RASSF8: variants seen among roughly 807,000 people sequenced by gnomAD.
RASSF8 encodes Ras association domain family member 8, also known as ras association domain-containing protein 8.
In RASSF8, 22 loss-of-function variants were observed where a neutral mutation model predicts 48.5. The ratio of observed to expected loss-of-function variants is 0.45; its 90% CI spans 0.32 to 0.65. RASSF8 has a LOEUF of 0.65. Among genes scored for constraint, RASSF8 ranks in the 30% least tolerant of loss-of-function variants. The pLI is 0.03. For synonymous variants in RASSF8, 127 were observed against 171.5 expected, an observed-to-expected ratio of 0.74 and a Z score of 2.03; for missense variants, 418 against 489.2, an observed-to-expected ratio of 0.85 and a Z score of 1.37.
chr12:25,975,239 C>T (rs549459782), intron 1 of RASSF8, among the ~76,000 whole-genome samples: 5 of 152,222 alleles, frequency 3.3e-5, no homozygotes, highest in African/African-American at 9.6e-5. Context: ...TGTGGTCTGC[C>T]GGAGAACAAA....
At chr12:26,042,838 A>G (rs17362901) in intron 2 of RASSF8, among the ~76,000 whole-genome samples, 12,082 of 152,248 alleles carry the variant, frequency 0.079, 574 homozygotes, top group Middle Eastern at 0.14. Context: ...GTGTGATATC[A>G]TATTCACAGT....
chr12:25,980,250 G>A (rs184472028), intron 1 of RASSF8, among the ~76,000 whole-genome samples: 1 of 152,140 alleles, frequency 6.6e-6, no homozygotes, highest in Non-Finnish European at 1.5e-5. Context: ...CCATTATACT[G>A]TAATACTCAT....
rs1388322622 is a variant in RASSF8 at position 25,958,922 on chromosome 12, C to CCACA, written c.-427_-424dup. On this transcript the variant is annotated 5_prime_UTR_variant, in exon 1 of 6. Coordinates refer to ENST00000689635, the MANE Select transcript of RASSF8 (RefSeq NM_001394098.1). The stretch of plus-strand genomic sequence containing the variant: ...ACCGCGGCACCCCCGCCAGTGGCGT[C>CCACA]CACACTCACCTAGCGCGGGCCGGGA... 6.8e-6 allele frequency: 1 copy of CCACA among 147,148 alleles called. No individual in the cohort carries two copies. Among genetic ancestry groups the CCACA allele is most frequent in the African/African-American group, 2.4e-5 (1 of 40,984 alleles). The allele number at this position is 147,148 out of a possible 1,614,324, so 9.1% of individuals were successfully genotyped here. A position where few individuals can be genotyped will look rare whatever the true frequency, so the allele number is the denominator to read the frequency against.
chr12:25,979,987 G>T (rs56318236), intron 1 of RASSF8, among the ~76,000 whole-genome samples: 5,511 of 152,262 alleles, frequency 0.036, 319 homozygotes, highest in African/African-American at 0.12. Context: ...CTTGGAAAAG[G>T]TGACTCTTAA....
At position 26,016,212 on chromosome 12, in the gene RASSF8, T is replaced by G. The variant is rs544970202; in HGVS notation, c.-109+21082T>G. Among the ~76,000 whole-genome samples the G allele has an allele frequency of 7.4e-4, 113 of 151,878 alleles. 1 individual carries two copies. Among genetic ancestry groups the G allele is most frequent in the Middle Eastern group, 6.8e-3 (2 of 294 alleles). On this transcript the variant is annotated intron_variant, in intron 2 of 5. Transcript: ENST00000689635. Reference sequence around the variant, plus strand: ...TATTAAGGGCTGTTTTTGGGTTTTTTTTTTTTTTTATTTGTTTGTTTGGTT... The same window carrying G: ...TATTAAGGGCTGTTTTTGGGTTTTTGTTTTTTTTTATTTGTTTGTTTGGTT...
chr12:25,958,342 G>C (rs1380597248), upstream of RASSF8: 1 of 151,734 alleles, frequency 6.6e-6, no homozygotes, highest in Non-Finnish European at 1.5e-5. Context: ...CTCAGGCCTC[G>C]GTGCGTCGCG....
rs1943948849 is a variant in RASSF8 at position 26,069,224 on chromosome 12, A to G, written c.*406A>G. On this transcript the variant is annotated 3_prime_UTR_variant, in exon 6 of 6. Transcript: ENST00000689635. ...TGTTGATGTTTTAATATTTTTATTG[A>G]CTTATCCTGTGACTGACTTACGTTA... The G allele has an allele frequency of 1.0e-6, 1 of 963,388 alleles. No homozygotes were observed. Among genetic ancestry groups the G allele is most frequent in the Admixed American group, 6.2e-5 (1 of 16,028 alleles). The allele number at this position is 963,388 out of a possible 1,614,324, so 59.7% of individuals were successfully genotyped here. A position where few individuals can be genotyped will look rare whatever the true frequency, so the allele number is the denominator to read the frequency against.
chr12:26,055,302 G>C lies in RASSF8; in HGVS notation c.-42G>C. On this transcript the variant is annotated 5_prime_UTR_variant, in exon 3 of 6. Transcript: ENST00000689635. ...AGCTAGAGACATGACCTAACACCCTGATGACCACTCTCAGGGACCTTGAGT... is the reference window on the plus strand; with the variant it reads ...AGCTAGAGACATGACCTAACACCCTCATGACCACTCTCAGGGACCTTGAGT... The C allele has an allele frequency of 6.6e-7, 1 of 1,520,580 alleles. No individual in the cohort carries two copies. Among genetic ancestry groups the C allele is most frequent in the Non-Finnish European group, 9.1e-7 (1 of 1,094,940 alleles). The allele number at this position is 1,520,580 out of a possible 1,614,324, so 94.2% of individuals were successfully genotyped here.
intron 1 of RASSF8, among the ~76,000 whole-genome samples, chr12:25,962,986 A>ATT (rs139621052): frequency 6.6e-6 from 1 of 152,014 alleles, no homozygotes; most frequent in African/African-American, 2.4e-5. Context: ...TAAAATAATT[A>ATT]TTTTTTTATC....
At chr12:25,979,929 T>C (rs1592227141) in intron 1 of RASSF8, among the ~76,000 whole-genome samples, 1 of 152,268 alleles carries the variant, frequency 6.6e-6, no homozygotes, top group African/African-American at 2.4e-5. Context: ...GGAAGGCAGC[T>C]GCCAGCTTTT....
chr12:26,022,740 T>C, intron 2 of RASSF8, among the ~76,000 whole-genome samples: 1 of 152,098 alleles, frequency 6.6e-6, no homozygotes, highest in East Asian at 1.9e-4. Context: ...GTTGATTTCT[T>C]TCTTTCTTTT....
rs2137343022 is a variant in RASSF8, at chr12:26,071,657, G to A, written c.*2839G>A. 4.1e-6 allele frequency: 4 copies of A among 984,504 alleles called. No homozygotes were observed. The highest frequency in any genetic ancestry group is 3.5e-5 in the African/African-American group (2 of 57,268). 61.0% of individuals were successfully genotyped at this position (984,504 alleles called of 1,614,324 possible). ...TTTGTTTTTTGTCTTGATGCACAGG[G>A]ACTTTTTTATAATATGAGACTTCAG... On this transcript the variant is annotated 3_prime_UTR_variant, in exon 6 of 6. Coordinates refer to ENST00000689635, the MANE Select transcript of RASSF8 (RefSeq NM_001394098.1).
At chr12:26,003,268 A>G (rs1338124668) in intron 2 of RASSF8, among the ~76,000 whole-genome samples, 2 of 152,156 alleles carry the variant, frequency 1.3e-5, no homozygotes, top group African/African-American at 4.8e-5. Context: ...ATTGATTTGC[A>G]TATGTTGAAC....
At chr12:25,991,405 G>GT (rs1184291944) in intron 1 of RASSF8, among the ~76,000 whole-genome samples, 1 of 151,530 alleles carries the variant, frequency 6.6e-6, no homozygotes, top group Non-Finnish European at 1.5e-5. Flanking sequence ...GCCTACAGAC[G>GT]TAACTTTTTT....
chr12:26,030,379 A>T (rs1039197962), intron 2 of RASSF8, among the ~76,000 whole-genome samples: 11 of 152,344 alleles, frequency 7.2e-5, no homozygotes, highest in Non-Finnish European at 1.2e-4. Context: ...AAGCAGAAAC[A>T]AATTCATTCC....
chr12:26,071,783 G>GA lies in RASSF8; in HGVS notation c.*2966dup. ...TAGTCATAAACAAGAGCTACAGCAA[G>GA]ACTGATAGAGTAAAAACTATATAAA... On this transcript the variant is annotated 3_prime_UTR_variant, in exon 6 of 6. Transcript: ENST00000689635. 7 of 980,398 alleles carry GA rather than the reference G, an allele frequency of 7.1e-6. No individual in the cohort carries two copies. The highest frequency in any genetic ancestry group is 8.5e-6 in the Non-Finnish European group (7 of 826,716). 60.7% of individuals were successfully genotyped at this position (980,398 alleles called of 1,614,324 possible).
chr12:25,994,292 AT>A (rs1299161623), intron 1 of RASSF8, among the ~76,000 whole-genome samples: 1 of 148,276 alleles, frequency 6.7e-6, no homozygotes, highest in Non-Finnish European at 1.5e-5. Context: ...AAAAAAAAAA[AT>A]GGTTGATGGA....
At chr12:26,055,837 A>C (rs1392096422) in intron 3 of RASSF8, among the ~76,000 whole-genome samples, 1 of 152,240 alleles carries the variant, frequency 6.6e-6, no homozygotes, top group Non-Finnish European at 1.5e-5. Flanking sequence ...CTTTCAGAAA[A>C]TACAACAAAT....
At chr12:25,983,698 GAA>G (rs200727009) in intron 1 of RASSF8, among the ~76,000 whole-genome samples, 3 of 148,412 alleles carry the variant, frequency 2.0e-5, no homozygotes, top group African/African-American at 7.3e-5. Flanking sequence ...ACCAAAAAAA[GAA>G]AAAAAACAAA....
Sources: gnomAD v4.1 joint callset for allele counts (sites outside exome capture counted in the v4.1 genomes callset) on GRCh38, gnomAD v4.1.1 for gene constraint, MANE v1.5 for transcripts, NCBI Gene and HGNC (gene_info 2026-07-23, HGNC 2026-07-21) for gene names.